The following TCF7L1 variants were observed in gnomAD, a reference collection of about 807,000 sequenced individuals.
TCF7L1 encodes the protein transcription factor 7 like 1.
In TCF7L1, 18 loss-of-function variants were observed where a neutral mutation model predicts 63.7. The observed-to-expected ratio is 0.28, with a 90% CI of 0.20 to 0.42. The LOEUF (loss-of-function observed/expected upper bound fraction) is 0.42. TCF7L1 is among the 10% of genes least tolerant of loss of function. The pLI, the probability that TCF7L1 is intolerant of heterozygous loss-of-function variation, is 1.00. For synonymous variants in TCF7L1, 355 were observed against 340.9 expected (o/e 1.04, Z -0.46); for missense variants, 654 against 779.3 (o/e 0.84, Z 1.91).
chr2:85,203,889 C>T (rs76138050), intron 3 of TCF7L1, among the ~76,000 whole-genome samples: 5,022 of 152,106 alleles, frequency 0.033, 292 homozygotes, highest in African/African-American at 0.11. Context: ...ATAAAAGCCA[C>T]AGCAAGTGAT....
chr2:85,199,526 A>T (rs944707489), intron 3 of TCF7L1, among the ~76,000 whole-genome samples: 1 of 152,112 alleles, frequency 6.6e-6, no homozygotes, highest in African/African-American at 2.4e-5. Context: ...TCAACTGGGG[A>T]GCTTTTGAAA....
chr2:85,306,661 T>A lies in TCF7L1; in HGVS notation c.1257+102T>A. 2.1e-6 allele frequency: 2 copies of A among 950,758 alleles called. No individual in the cohort carries two copies. The highest frequency in any genetic ancestry group is 1.8e-5 in the South Asian group (1 of 54,602). 58.9% of individuals were successfully genotyped at this position (950,758 alleles called of 1,614,324 possible). ...CAACTGCATTTATTTTTATTTATTT[T>A]ATTTTCTTTTATTTTTTGAGACAGA... is the stretch of plus-strand genomic sequence containing the variant. On this transcript the variant is annotated intron_variant, in intron 10 of 11. Coordinates refer to ENST00000282111, the MANE Select transcript of TCF7L1 (RefSeq NM_031283.3). The surrounding 1 kb of genome is among the most constrained non-coding windows in gnomAD (Gnocchi z 4.3).
intron 3 of TCF7L1, among the ~76,000 whole-genome samples, chr2:85,199,325 G>A (rs1244894047): frequency 6.6e-6 from 1 of 152,108 alleles, no homozygotes; most frequent in African/African-American, 2.4e-5. Flanking sequence ...AAAAAAATGT[G>A]GAAGAGACAA....
intron 4 of TCF7L1, among the ~76,000 whole-genome samples, chr2:85,294,026 AT>A (rs774050758): frequency 0.011 from 669 of 59,446 alleles, 1 homozygote; most frequent in South Asian, 0.02. Context: ...GAACACTGGG[AT>A]TTTTTTTTTT....
rs371552956 is a variant in TCF7L1, at chr2:85,133,847, A to G, written c.163A>G (p.Ser55Gly). ...CGAGGAGCAGGAGCCGAGCAGCGAT[A>G]GCGCCTCGGCGCAGCGGGACCTAGA... ...GGEEQEPSSD[S>G]ASAQRDLDEV... Residue 55 changes from serine to glycine, a missense_variant, in exon 1 of 12, where the codon AGC becomes GGC. Transcript: ENST00000282111. This position sits in a 1 kb window ranked among gnomAD's most constrained non-coding sequence, Gnocchi z 4.4. 1.2e-4 allele frequency: 178 copies of G among 1,506,848 alleles called. No individual in the cohort carries two copies. Among genetic ancestry groups the G allele is most frequent in the Non-Finnish European group, 1.5e-4 (171 of 1,127,332 alleles). 93.3% of individuals were successfully genotyped at this position (1,506,848 alleles called of 1,614,324 possible). A position where few individuals can be genotyped will look rare whatever the true frequency, so the allele number is the denominator to read the frequency against.
intron 4 of TCF7L1, among the ~76,000 whole-genome samples, chr2:85,289,479 T>C (rs1425613260): frequency 6.6e-6 from 1 of 152,156 alleles, no homozygotes; most frequent in African/African-American, 2.4e-5. Context: ...AAATTTTAGC[T>C]GTTAGGCTGA....
chr2:85,277,015 A>G (rs1254048705), intron 3 of TCF7L1, among the ~76,000 whole-genome samples: 1 of 152,148 alleles, frequency 6.6e-6, no homozygotes, highest in East Asian at 1.9e-4. Flanking sequence ...GGGGAGCAGC[A>G]GGGCAGCATG....
chr2:85,305,162 C>A, intron 7 of TCF7L1, 98 bp from the exon 8 acceptor site: 1 of 1,521,736 alleles, frequency 6.6e-7, no homozygotes. Flanking sequence ...CACGGACATG[C>A]CTGTGCCCTT....
intron 3 of TCF7L1, among the ~76,000 whole-genome samples, chr2:85,277,976 G>A (rs762998305): frequency 1.5e-4 from 23 of 152,146 alleles, no homozygotes; most frequent in Non-Finnish European, 2.8e-4. Context: ...GTTAATCTCC[G>A]TAGCTCATTG....
rs775377846 is a variant in TCF7L1, at chr2:85,305,356, C to T, written c.942C>T (p.Ile314=). 3.7e-6 allele frequency: 6 copies of T among 1,613,844 alleles called. No individual in the cohort carries two copies. Among genetic ancestry groups the T allele is most frequent in the Non-Finnish European group, 5.1e-6 (6 of 1,179,918 alleles). ...CCCACCCTGCCATCGTCTCCCCCAT[C>T]GTCAAGCAGGAACCGGCACCCCCCA... is the stretch of plus-strand genomic sequence containing the variant. ...GIPHPAIVSP[I]VKQEPAPPSL... Residue 314 remains isoleucine (I), a synonymous_variant, in exon 8 of 12, where the codon ATC becomes ATT. Transcript: ENST00000282111.
At chr2:85,236,028 G>A (rs1680183290) in intron 3 of TCF7L1, among the ~76,000 whole-genome samples, 1 of 152,110 alleles carries the variant, frequency 6.6e-6, no homozygotes, top group Non-Finnish European at 1.5e-5. Flanking sequence ...AGGCATGGTG[G>A]CATGCCCTCA....
In TCF7L1 at chr2:85,160,473, C is replaced by T. The variant is rs915978650; in HGVS notation, c.441+26023C>T. ...CTCCTGACCTCAGGTGATCAGCCCA[C>T]CTCAGCCTCCCAAAGTGCCGGGATT... is the stretch of plus-strand genomic sequence containing the variant. On this transcript the variant is annotated intron_variant, in intron 3 of 11. Transcript: ENST00000282111. Among the ~76,000 whole-genome samples, 4 of 152,284 alleles carry T rather than the reference C, an allele frequency of 2.6e-5. No homozygotes were observed. The East Asian group carries it at 7.7e-4, about 29-fold the overall frequency.
chr2:85,262,340 C>T (rs960095669), intron 3 of TCF7L1: 21 of 496,872 alleles, frequency 4.2e-5, no homozygotes, highest in South Asian at 2.1e-4. Context: ...AGAGCACACC[C>T]GCACGCTGCC....
intron 3 of TCF7L1, among the ~76,000 whole-genome samples, chr2:85,251,768 G>A (rs1033043119): frequency 6.6e-6 from 1 of 152,128 alleles, no homozygotes; most frequent in South Asian, 2.1e-4. Flanking sequence ...TTCAAATTCC[G>A]ATTGCAATTC....
At chr2:85,215,378 C>A (rs1329912814) in intron 3 of TCF7L1, among the ~76,000 whole-genome samples, 2 of 152,230 alleles carry the variant, frequency 1.3e-5, no homozygotes, top group Non-Finnish European at 2.9e-5. Context: ...GAGCCACATA[C>A]CCTCGCCAGT....
At chr2:85,150,988 C>G (rs1000996270) in intron 3 of TCF7L1, among the ~76,000 whole-genome samples, 11 of 152,070 alleles carry the variant, frequency 7.2e-5, no homozygotes, top group African/African-American at 2.7e-4. Context: ...TAGATTGTTT[C>G]TGTGACACTA....
chr2:85,195,021 C>T (rs1402574984), intron 3 of TCF7L1, among the ~76,000 whole-genome samples: 2 of 152,246 alleles, frequency 1.3e-5, no homozygotes, highest in Non-Finnish European at 2.9e-5. Flanking sequence ...GTGGACAGTT[C>T]GTCTCCCTAC....
chr2:85,221,577 G>T (rs574114192), intron 3 of TCF7L1, among the ~76,000 whole-genome samples: 2 of 152,234 alleles, frequency 1.3e-5, no homozygotes, highest in South Asian at 4.1e-4. Context: ...ACGCCTGTGT[G>T]TGCACAAGAC....
chr2:85,288,804 TATTATCCAGACCCCTC>T (rs1455016102), intron 4 of TCF7L1, among the ~76,000 whole-genome samples: 1 of 152,214 alleles, frequency 6.6e-6, no homozygotes, highest in Admixed American at 6.5e-5. Context: ...ACTTGCAGAT[TATTATCCAGACCCCTC>T]ACCATGGCCC....
Sources: allele counts gnomAD v4.1 joint callset (sites outside exome capture counted in the v4.1 genomes callset), GRCh38; gene constraint gnomAD v4.1.1; non-coding constraint Gnocchi (gnomAD v3.1); transcripts MANE v1.5; gene names NCBI Gene and HGNC (gene_info 2026-07-23, HGNC 2026-07-21).